WIPF3: variants seen among roughly 807,000 people sequenced by gnomAD.
WIPF3 encodes the protein WAS/WASL interacting protein family member 3.
WIPF3 carries 33 observed loss-of-function variants against 38.9 expected under a neutral mutation model. That is an observed-to-expected ratio of 0.85 (90% CI 0.64 to 1.14). WIPF3 has a LOEUF of 1.14. Among genes scored for constraint, WIPF3 ranks in the 50% most tolerant of loss-of-function variants. The probability of loss-of-function intolerance (pLI) is 0.00; values close to 1 mark genes in which losing one functional copy is unlikely to be tolerated. For synonymous variants in WIPF3, 324 were observed against 269.3 expected (o/e 1.20, Z -1.99); for missense variants, 711 against 652.5 (o/e 1.09, Z -0.98).
At chr7:29,880,980 A>G (rs540813436) in intron 4 of WIPF3, among the ~76,000 whole-genome samples, 2 of 151,080 alleles carry the variant, frequency 1.3e-5, no homozygotes, top group South Asian at 4.2e-4. Context: ...CACTCACACT[A>G]TCCTCCTTGC....
At chr7:29,862,719 A>C (rs1209125618) in intron 2 of WIPF3, among the ~76,000 whole-genome samples, 2 of 152,206 alleles carry the variant, frequency 1.3e-5, no homozygotes, top group East Asian at 3.8e-4. Flanking sequence ...TAATATGCCA[A>C]CACTGTTATT....
chr7:29,821,697 T>C (rs778934440), intron 1 of WIPF3, among the ~76,000 whole-genome samples: 1 of 152,242 alleles, frequency 6.6e-6, no homozygotes, highest in South Asian at 2.1e-4. Context: ...TGTTTATGTC[T>C]TTTACTCAGG....
Position 29,889,370 on chromosome 7 carries a change from AC to A in WIPF3, c.1316del (p.Pro439HisfsTer41), listed in dbSNP as rs768466372. The part of the protein sequence containing the change: ...EDFPPPDEYK[P>X]CQKIYPSKIP... ...ACTTTCCCCCTCCGGATGAATATAAACCATGCCAGAAGATTTACCCCAGCAA... is the reference window on the plus strand; with the variant it reads ...ACTTTCCCCCTCCGGATGAATATAAACATGCCAGAAGATTTACCCCAGCAA... On this transcript the variant is annotated frameshift_variant, in exon 7 of 9. Transcript: ENST00000242140. LOFTEE classifies it high-confidence loss of function. The A allele has an allele frequency of 1.9e-5, 31 of 1,613,832 alleles. No homozygotes were observed. Among genetic ancestry groups the A allele is most frequent in the Non-Finnish European group, 2.5e-5 (29 of 1,179,896 alleles).
At chr7:29,809,860 G>T (rs982731698) in intron 1 of WIPF3, among the ~76,000 whole-genome samples, 1 of 152,162 alleles carries the variant, frequency 6.6e-6, no homozygotes, top group African/African-American at 2.4e-5. Context: ...ATTTTCAAGT[G>T]CATCTTGAAG....
chr7:29,823,110 A>G lies in WIPF3; in HGVS notation c.-57-11558A>G, dbSNP rs1784566113. 6.6e-6 allele frequency among the ~76,000 whole-genome samples: 1 copy of G among 152,248 alleles called. No individual in the cohort carries two copies. The highest frequency in any genetic ancestry group is 2.4e-5 in the African/African-American group (1 of 41,470). On this transcript the variant is annotated intron_variant, in intron 1 of 8. Transcript: ENST00000242140. This position sits in a 1 kb window ranked among gnomAD's most constrained non-coding sequence, Gnocchi z 4.0. ...ATTTATACAACTTAGGAAAGAAGAAACATTCTACCTTTTTCTTGAACAAAT... is the reference window on the plus strand; with the variant it reads ...ATTTATACAACTTAGGAAAGAAGAAGCATTCTACCTTTTTCTTGAACAAAT...
rs769689141 is a variant in WIPF3, at chr7:29,878,236, C to T, written c.224-773C>T. 1.3e-5 allele frequency among the ~76,000 whole-genome samples: 2 copies of T among 152,218 alleles called. No homozygotes were observed. Among genetic ancestry groups the T allele is most frequent in the African/African-American group, 4.8e-5 (2 of 41,444 alleles). On this transcript the variant is annotated intron_variant, in intron 3 of 8. Transcript: ENST00000242140. This position sits in a 1 kb window ranked among gnomAD's most constrained non-coding sequence, Gnocchi z 4.0. ...GTAAGTAATGTACAATATTAATACT[C>T]AGAATAATCTGGCCACTTTCATCCA...
chr7:29,905,740 C>T (rs193118421), intron 8 of WIPF3: 1 of 152,290 alleles, frequency 6.6e-6, no homozygotes, highest in Admixed American at 6.5e-5. Context: ...GTTGCACCTC[C>T]TCTTATTGTT....
intron 2 of WIPF3, among the ~76,000 whole-genome samples, chr7:29,870,947 AC>A (rs1314394288): frequency 4.1e-5 from 5 of 122,272 alleles, no homozygotes; most frequent in Non-Finnish European, 1.8e-5. Context: ...ACAGAGTGAC[AC>A]CCCATCTCCA....
chr7:29,817,540 A>T (rs1784475310), intron 1 of WIPF3, among the ~76,000 whole-genome samples: 1 of 152,076 alleles, frequency 6.6e-6, no homozygotes, highest in African/African-American at 2.4e-5. Context: ...TTACATTGTT[A>T]GCTAACTTAA....
rs1222381293 is a variant in WIPF3 at position 29,844,691 on chromosome 7, A to G, written c.90+9877A>G. On this transcript the variant is annotated intron_variant, in intron 2 of 8. Transcript: ENST00000242140. This position sits in a 1 kb window ranked among gnomAD's most constrained non-coding sequence, Gnocchi z 4.8. ...AATGAACACTTATCTAGCATTTACT[A>G]TGACCTTTGCATTGGCCTGTGGACT... 6.6e-6 allele frequency among the ~76,000 whole-genome samples: 1 copy of G among 152,182 alleles called. No individual in the cohort carries two copies. Among genetic ancestry groups the G allele is most frequent in the Non-Finnish European group, 1.5e-5 (1 of 68,026 alleles).
rs1303017588 is a variant in WIPF3, at chr7:29,829,109, C to T, written c.-57-5559C>T. Reference sequence around the variant, plus strand: ...GCCTGGTGAAAAATAAGATCACTTCCACCAAGTGTTTCTTTATTGCACCTC... The same window carrying T: ...GCCTGGTGAAAAATAAGATCACTTCTACCAAGTGTTTCTTTATTGCACCTC... On this transcript the variant is annotated intron_variant, in intron 1 of 8. Transcript: ENST00000242140. 3.9e-5 allele frequency among the ~76,000 whole-genome samples: 6 copies of T among 152,076 alleles called. No individual in the cohort carries two copies. The East Asian group carries it at 1.2e-3, about 29-fold the overall frequency.
intron 1 of WIPF3, among the ~76,000 whole-genome samples, chr7:29,811,400 G>A (rs747610939): frequency 1.3e-5 from 2 of 152,034 alleles, no homozygotes; most frequent in Non-Finnish European, 2.9e-5. Context: ...ATGAAACTGA[G>A]GTAAAGGGAA....
intron 1 of WIPF3, among the ~76,000 whole-genome samples, chr7:29,810,088 T>C (rs1181732611): frequency 6.6e-6 from 1 of 152,214 alleles, no homozygotes; most frequent in East Asian, 1.9e-4. Context: ...TGCCATCCAC[T>C]GTTCCTTAAG....
Position 29,888,165 on chromosome 7 carries a change from C to T in WIPF3, c.1197C>T (p.Thr399=), listed in dbSNP as rs769474612. The change falls in exon 6 of 9, where the codon ACC becomes ACT. Residue 399 remains threonine (T), a synonymous_variant. Transcript: ENST00000242140. ...AGAGCCAGCAGGCCACAGCCTGGAC[C>T]CCGACGCAGCAGCCTGGAGGTCAAC... ...SSKSQQATAW[T]PTQQPGGQLR... 3.7e-6 allele frequency: 6 copies of T among 1,613,260 alleles called. No individual in the cohort carries two copies. Among genetic ancestry groups the T allele is most frequent in the African/African-American group, 1.3e-5 (1 of 74,902 alleles).
At chr7:29,849,478 G>A (rs1458518184) in intron 2 of WIPF3, among the ~76,000 whole-genome samples, 1 of 152,162 alleles carries the variant, frequency 6.6e-6, no homozygotes, top group Non-Finnish European at 1.5e-5. Flanking sequence ...GGACATTGGG[G>A]CAATTATTAA....
intron 7 of WIPF3, among the ~76,000 whole-genome samples, chr7:29,890,984 A>AAAGT (rs1562787992): frequency 5.4e-5 from 1 of 18,426 alleles, no homozygotes; most frequent in African/African-American, 2.1e-4. Flanking sequence ...GGAGGGGGCG[A>AAAGT]GGGCCTGCCC....
At chr7:29,891,291 G>A (rs1236463463) in intron 7 of WIPF3, among the ~76,000 whole-genome samples, 2 of 150,912 alleles carry the variant, frequency 1.3e-5, no homozygotes, top group African/African-American at 2.4e-5. Context: ...CCTGTGCTCA[G>A]GTGTGGGGAA....
chr7:29,846,085 A>G (rs147543201), intron 2 of WIPF3, among the ~76,000 whole-genome samples: 2,240 of 152,366 alleles, frequency 0.015, 34 homozygotes, highest in Non-Finnish European at 0.019. Flanking sequence ...AGAATATTTT[A>G]TAAAGCAAAT....
chr7:29,912,705 G>T, intron 8 of WIPF3: 1 of 159,526 alleles, frequency 6.3e-6, no homozygotes, highest in South Asian at 1.6e-4. Context: ...TAAACAAAAT[G>T]TGATACACGC....
Sources: gnomAD v4.1 joint callset for allele counts (sites outside exome capture counted in the v4.1 genomes callset) on GRCh38, gnomAD v4.1.1 for gene constraint, Gnocchi (gnomAD v3.1) non-coding constraint, MANE v1.5 for transcripts, NCBI Gene and HGNC (gene_info 2026-07-23, HGNC 2026-07-21) for gene names.